The following TNN variants were observed in gnomAD, a reference collection of about 807,000 sequenced individuals.
TNN encodes tenascin-N.
TNN carries 122 observed loss-of-function variants against 134.4 expected under a neutral mutation model. The observed-to-expected ratio is 0.91, with a 90% confidence interval of 0.78 to 1.06. The LOEUF (loss-of-function observed/expected upper bound fraction) is 1.06, where lower values mean the gene tolerates loss of function less well. Ranked by LOEUF, TNN falls within the 50% of genes least tolerant of loss-of-function variation. The probability of loss-of-function intolerance (pLI) is 0.00; values close to 1 mark genes in which losing one functional copy is unlikely to be tolerated. For missense variants in TNN, 1,739 were observed against 1,699.4 expected (o/e 1.02, Z -0.41); for synonymous variants, 710 against 670.3 (o/e 1.06, Z -0.91).
chr1:175,139,523 G>A (rs1675896353), intron 17 of TNN, among the ~76,000 whole-genome samples: 1 of 152,152 alleles, frequency 6.6e-6, no homozygotes, highest in Non-Finnish European at 1.5e-5. Flanking sequence ...GTCTTCAGGA[G>A]CAATAGCACA....
chr1:175,137,210 A>AT (rs1675833921), intron 17 of TNN, among the ~76,000 whole-genome samples: 1 of 152,102 alleles, frequency 6.6e-6, no homozygotes, highest in Non-Finnish European at 1.5e-5. Flanking sequence ...GTTATATGTC[A>AT]TCCCCCCACC....
At position 175,083,775 on chromosome 1, in the gene TNN, G is replaced by C; in HGVS notation, c.1074G>C (p.Trp358Cys). The C allele has an allele frequency of 6.2e-7, 1 of 1,614,142 alleles. No individual in the cohort carries two copies. The highest frequency in any genetic ancestry group is 8.5e-7 in the Non-Finnish European group (1 of 1,180,028). Residue 358 changes from tryptophan (W) to cysteine (C), a missense_variant, in exon 5 of 19, where the codon TGG (tryptophan) becomes TGC (cysteine). By Grantham distance (215) the Trp-to-Cys change is radical (BLOSUM62 -2). Coordinates refer to ENST00000239462, the MANE Select transcript of TNN (RefSeq NM_022093.2). ...ACCTTGCTGTGCTTGGCACTGCCTG[G>C]GTGACAGATGAGACTGAGAACTCCC... Reference protein sequence around the residue: ...TTDLAVLGTAWVTDETENSLD... With the variant: ...TTDLAVLGTACVTDETENSLD...
At chr1:175,143,518 G>GGT (rs149081442) in intron 17 of TNN, among the ~76,000 whole-genome samples, 8 of 148,742 alleles carry the variant, frequency 5.4e-5, no homozygotes, top group African/African-American at 1.5e-4. Flanking sequence ...TTTGTGTGTA[G>GGT]GTGTGTGTGT....
At chr1:175,070,627 C>T (rs144882761) in intron 1 of TNN, among the ~76,000 whole-genome samples, 106 of 152,240 alleles carry the variant, frequency 7.0e-4, no homozygotes, top group African/African-American at 2.5e-3. Flanking sequence ...GTCTTGTATC[C>T]TATATGCAAT....
chr1:175,139,615 AT>A (rs5778835), intron 17 of TNN, among the ~76,000 whole-genome samples: 2 of 151,502 alleles, frequency 1.3e-5, no homozygotes, highest in African/African-American at 2.4e-5. Flanking sequence ...GTTTTACAGG[AT>A]TTTTTTTTGT....
Position 175,118,570 on chromosome 1 carries a change from G to A in TNN, c.2396G>A (p.Ser799Asn), listed in dbSNP as rs762479600. The A allele has an allele frequency of 3.7e-6, 6 of 1,613,126 alleles. No individual in the cohort carries two copies. The Admixed American group carries it at 1.0e-4, about 27-fold the overall frequency. ...GCATTTTTTTTTTCAGACATTGACA[G>A]CCCCCAAAACCTGGTCACTGACTGG... ...ADTKAQTDIDSPQNLVTDWVT... is the reference protein window; with the variant it reads ...ADTKAQTDIDNPQNLVTDWVT... The change falls in exon 11 of 19, where the codon AGC (serine) becomes AAC (asparagine). Residue 799 changes from serine (S) to asparagine (N), a missense_variant. Physicochemically the swap from Ser to Asn is conservative, Grantham distance 46. Transcript: ENST00000239462.
rs772541494 is a variant in TNN, at chr1:175,136,845, C to G, written c.3452C>G (p.Thr1151Ser). Reference protein sequence around the residue: ...WLGLDKLHNLTTGTPARYEVR... With the variant: ...WLGLDKLHNLSTGTPARYEVR... ...GGACTTGACAAGCTACACAACCTCA[C>G]CACCGGCACTCCAGCGCGGTATGAG... is the stretch of plus-strand genomic sequence containing the variant. Residue 1151 changes from threonine to serine, a missense_variant, in exon 17 of 19, where the codon ACC becomes AGC. Coordinates refer to ENST00000239462, the MANE Select transcript of TNN (RefSeq NM_022093.2). The G allele has an allele frequency of 1.7e-5, 27 of 1,613,930 alleles. No homozygotes were observed. Among genetic ancestry groups the G allele is most frequent in the African/African-American group, 2.7e-5 (2 of 74,914 alleles).
chr1:175,109,103 A>C (rs1453823907), intron 9 of TNN, among the ~76,000 whole-genome samples: 2 of 35,464 alleles, frequency 5.6e-5, no homozygotes, highest in African/African-American at 2.0e-4. Context: ...TTTTTTTGAG[A>C]CGGAGTCTCG....
intron 5 of TNN, 76 bp downstream of exon 5, chr1:175,084,011 C>T (rs1674268115): frequency 6.9e-7 from 1 of 1,441,792 alleles, no homozygotes; most frequent in Non-Finnish European, 9.6e-7. Flanking sequence ...AGGGCACTGG[C>T]ATCTGCACTG....
At chr1:175,094,319 G>A in intron 7 of TNN, 66 bp downstream of exon 7, 1 of 1,442,278 alleles carries the variant, frequency 6.9e-7, no homozygotes, top group Non-Finnish European at 9.2e-7. Context: ...TTTTGAATCA[G>A]GAGGTCATTG....
At chr1:175,109,072 A>ATTTTTTTTTTTTTTTTTTTTTT (rs1160268455) in intron 9 of TNN, among the ~76,000 whole-genome samples, 2 of 61,982 alleles carry the variant, frequency 3.2e-5, no homozygotes, top group Non-Finnish European at 6.3e-5. Context: ...ATCTAACTGT[A>ATTTTTTTTTTTTTTTTTTTTTT]TTTTTTTTTT....
intron 4 of TNN, 110 bp downstream of exon 4, chr1:175,080,536 C>A: frequency 1.6e-6 from 2 of 1,280,646 alleles, no homozygotes; most frequent in Non-Finnish European, 2.2e-6. Context: ...TTGAAAAACA[C>A]ACCTGCCACA....
chr1:175,072,146 T>A (rs1673928941), intron 1 of TNN, among the ~76,000 whole-genome samples: 1 of 152,186 alleles, frequency 6.6e-6, no homozygotes, highest in South Asian at 2.1e-4. Context: ...AGGGGGACCA[T>A]CCATGCAGCC....
At chr1:175,070,196 T>C (rs752273946) in intron 1 of TNN, among the ~76,000 whole-genome samples, 1 of 152,206 alleles carries the variant, frequency 6.6e-6, no homozygotes, top group Non-Finnish European at 1.5e-5. Flanking sequence ...TTGCCTGATG[T>C]CCAAGAGGAG....
chr1:175,121,743 G>A (rs776406075), intron 11 of TNN, among the ~76,000 whole-genome samples: 12 of 152,318 alleles, frequency 7.9e-5, no homozygotes, highest in Middle Eastern at 3.4e-3. Flanking sequence ...GGAAGAAAAT[G>A]AGGACTCAAG....
chr1:175,109,581 C>T lies in TNN; in HGVS notation c.2120-7358C>T, dbSNP rs986590855. On this transcript the variant is annotated intron_variant, in intron 9 of 18. Transcript: ENST00000239462. ...TTATTTCACTTAACATAATAACCTC[C>T]AGTTTGATCTGTGTTGCTGCAAAGG... Among the ~76,000 whole-genome samples, 40 of 151,594 alleles carry T rather than the reference C, an allele frequency of 2.6e-4. 1 individual carries two copies. The highest frequency in any genetic ancestry group is 2.6e-3 in the Admixed American group (40 of 15,216).
intron 8 of TNN, 53 bp from the exon 9 acceptor site, chr1:175,098,279 A>G: frequency 6.2e-7 from 1 of 1,612,318 alleles, no homozygotes; most frequent in Non-Finnish European, 8.5e-7. Flanking sequence ...GGGGGTAAGG[A>G]TATGTCTTCC....
intron 15 of TNN, among the ~76,000 whole-genome samples, chr1:175,135,090 A>G (rs1675763899): frequency 6.6e-6 from 1 of 151,810 alleles, no homozygotes; most frequent in Non-Finnish European, 1.5e-5. Context: ...ACTCCTACTC[A>G]TCCTGCAGCT....
At position 175,136,864 on chromosome 1, in the gene TNN, G is replaced by T. The variant is rs61738723; in HGVS notation, c.3471G>T (p.Arg1157=). The T allele has an allele frequency of 1.4e-4, 219 of 1,614,190 alleles. 1 individual carries two copies. In the African/African-American group the frequency reaches 2.5e-3, roughly 18 times the overall value. The part of the protein sequence containing the change: ...LHNLTTGTPA[R]YEVRVDLQTA... The stretch of plus-strand genomic sequence containing the variant: ...ACCTCACCACCGGCACTCCAGCGCG[G>T]TATGAGGTGAGAGTGGATTTACAGA... The change falls in exon 17 of 19, where the codon CGG becomes CGT. Residue 1157 remains arginine (R), a synonymous_variant. Transcript: ENST00000239462.
Sources: gnomAD v4.1 joint callset for allele counts (sites outside exome capture counted in the v4.1 genomes callset) on GRCh38, gnomAD v4.1.1 for gene constraint, MANE v1.5 for transcripts, NCBI Gene and HGNC (gene_info 2026-07-23, HGNC 2026-07-21) for gene names.